Variants in TBCD observed in about 807,000 individuals in gnomAD.
TBCD encodes tubulin folding cofactor D.
In TBCD, 105 loss-of-function variants were observed where a neutral mutation model predicts 169.3. The ratio of observed to expected loss-of-function variants is 0.62; its 90% CI spans 0.53 to 0.73. The LOEUF is 0.73. Among genes scored for constraint, TBCD ranks in the 30% least tolerant of loss-of-function variants. The pLI is 0.00. For missense variants in TBCD, 1,444 were observed against 1,600.1 expected, an observed-to-expected ratio of 0.90 and a Z score of 1.66; for synonymous variants, 700 against 643.9, an observed-to-expected ratio of 1.09 and a Z score of -1.32.
rs1033166542 is a variant in TBCD at position 82,880,162 on chromosome 17, T to G, written c.1476-3983T>G. On this transcript the variant is annotated intron_variant, in intron 14 of 38. Coordinates refer to ENST00000355528, the MANE Select transcript of TBCD (RefSeq NM_005993.5). The surrounding 1 kb of genome is among the most constrained non-coding windows in gnomAD (Gnocchi z 5.0). ...GTCCTTCCTTCTTCCTTCCTGTATG[T>G]ATTTATCTCCTTACCTGTCTACTTA... Among the ~76,000 whole-genome samples, 8 of 152,162 alleles carry G rather than the reference T, an allele frequency of 5.3e-5. No homozygotes were observed. The highest frequency in any genetic ancestry group is 1.0e-4 in the Non-Finnish European group (7 of 68,030).
At chr17:82,921,110 T>G (rs1031537044) in intron 24 of TBCD, 1 of 260,004 alleles carries the variant, frequency 3.8e-6, no homozygotes, top group Non-Finnish European at 7.3e-6. Context: ...ACTTTTTTTT[T>G]GTTAATTGAA....
Position 82,930,513 on chromosome 17 carries a change from G to A in TBCD, c.2992-9G>A, listed in dbSNP as rs562742532. On this transcript the variant is annotated splice_polypyrimidine_tract_variant and intron_variant, in intron 32 of 38. Coordinates refer to ENST00000355528, the MANE Select transcript of TBCD (RefSeq NM_005993.5). The surrounding 1 kb of genome is among the most constrained non-coding windows in gnomAD (Gnocchi z 5.2). ...TCCCACTGCCTTCTGAGGTGTCTCC[G>A]TGTTGCAGATCCGGCACTCCACCCA... The A allele has an allele frequency of 2.2e-5, 36 of 1,612,174 alleles. 1 individual carries two copies. Among genetic ancestry groups the A allele is most frequent in the South Asian group, 8.8e-5 (8 of 90,708 alleles).
At position 82,785,650 on chromosome 17, in the gene TBCD, C is replaced by T. The variant is rs76270436; in HGVS notation, c.771+3929C>T. On this transcript the variant is annotated intron_variant, in intron 7 of 38. Transcript: ENST00000355528. Reference sequence around the variant, plus strand: ...CATCGCAGCGGGAGGGGGGTCCATGCTGTGTGACTGGGACCACTGGATCCC... The same window carrying T: ...CATCGCAGCGGGAGGGGGGTCCATGTTGTGTGACTGGGACCACTGGATCCC... Among the ~76,000 whole-genome samples, 3 of 78,794 alleles carry T rather than the reference C, an allele frequency of 3.8e-5. 1 individual carries two copies. The highest frequency in any genetic ancestry group is 5.5e-5 in the African/African-American group (1 of 18,276). 51.7% of individuals were successfully genotyped at this position (78,794 alleles called of 152,430 possible).
At position 82,901,306 on chromosome 17, in the gene TBCD, C is replaced by T. The variant is rs547485897; in HGVS notation, c.1730+575C>T. Reference sequence around the variant, plus strand: ...AGAGGGTCCCCTCCTAGGACAGTGCCGTGCTGTGGCACTCCTCACGGAGCC... The same window carrying T: ...AGAGGGTCCCCTCCTAGGACAGTGCTGTGCTGTGGCACTCCTCACGGAGCC... On this transcript the variant is annotated intron_variant, in intron 18 of 38. Coordinates refer to ENST00000355528, the MANE Select transcript of TBCD (RefSeq NM_005993.5). Among the ~76,000 whole-genome samples the T allele has an allele frequency of 1.2e-4, 19 of 152,352 alleles. No individual in the cohort carries two copies. The South Asian group carries it at 2.3e-3, about 18-fold the overall frequency.
chr17:82,852,293 C>T (rs114263482), intron 13 of TBCD, among the ~76,000 whole-genome samples: 1,570 of 152,128 alleles, frequency 0.01, 34 homozygotes, highest in African/African-American at 0.035. Context: ...GGTCCGTGGG[C>T]GATGCAGCCC....
chr17:82,755,308 A>G (rs1045896357), intron 1 of TBCD, among the ~76,000 whole-genome samples: 1 of 152,224 alleles, frequency 6.6e-6, no homozygotes, highest in Non-Finnish European at 1.5e-5. Flanking sequence ...TTTTCATCAG[A>G]CTAAAAAGGT....
At chr17:82,908,380 A>G in intron 21 of TBCD, 1 of 456,480 alleles carries the variant, frequency 2.2e-6, no homozygotes, top group Non-Finnish European at 4.4e-6. Flanking sequence ...CTCTGGGGAG[A>G]CAGTGTGTTC....
intron 22 of TBCD, among the ~76,000 whole-genome samples, chr17:82,910,685 C>T (rs1179509396): frequency 6.6e-6 from 1 of 152,200 alleles, no homozygotes; most frequent in East Asian, 1.9e-4. Context: ...CCTGTCTCAG[C>T]CTCCCGGGTA....
rs1041271173 is a variant in TBCD, at chr17:82,874,233, T to C, written c.1475+3853T>C. Among the ~76,000 whole-genome samples the C allele has an allele frequency of 2.0e-5, 3 of 151,962 alleles. No individual in the cohort carries two copies. Among genetic ancestry groups the C allele is most frequent in the East Asian group, 1.9e-4 (1 of 5,166 alleles). On this transcript the variant is annotated intron_variant, in intron 14 of 38. Transcript: ENST00000355528. The surrounding 1 kb of genome is among the most constrained non-coding windows in gnomAD (Gnocchi z 5.0). The stretch of plus-strand genomic sequence containing the variant: ...GCAAGGGGGTCCTGGGACTCCTGAG[T>C]TTCTCAGGCCTGAAGGACTGTAGGA...
chr17:82,889,555 T>C lies in TBCD; in HGVS notation c.1534-113T>C. 1 of 1,319,114 alleles carries C rather than the reference T, an allele frequency of 7.6e-7. No homozygotes were observed. The highest frequency in any genetic ancestry group is 1.1e-6 in the Non-Finnish European group (1 of 938,286). The allele number at this position is 1,319,114 out of a possible 1,614,324, so 81.7% of individuals were successfully genotyped here. A position where few individuals can be genotyped will look rare whatever the true frequency, so the allele number is the denominator to read the frequency against. On this transcript the variant is annotated intron_variant, in intron 15 of 38. Transcript: ENST00000355528. This position sits in a 1 kb window ranked among gnomAD's most constrained non-coding sequence, Gnocchi z 5.3. The stretch of plus-strand genomic sequence containing the variant: ...GTTCAGCCAACAATGAGGGCTTTTA[T>C]TTAAAAAATAAAGCCGTGGGTCATT...
chr17:82,929,674 G>A, intron 32 of TBCD, 174 bp downstream of exon 32: 2 of 886,964 alleles, frequency 2.3e-6, no homozygotes, highest in Non-Finnish European at 3.6e-6. Context: ...GACCCAGGAG[G>A]CTTAGGGCCT....
intron 13 of TBCD, among the ~76,000 whole-genome samples, chr17:82,841,737 G>A (rs1310666724): frequency 2.0e-5 from 3 of 152,198 alleles, no homozygotes; most frequent in African/African-American, 7.2e-5. Flanking sequence ...AGGAGTTTGT[G>A]GAGGGCCTGG....
Position 82,929,358 on chromosome 17 carries a change from G to T in TBCD, c.2853-4G>T. ...CCGGCCTTGTCTCACTCACTCTCTT[G>T]CAGGTCCGATGTGGCCTCCGTGAAC... is the stretch of plus-strand genomic sequence containing the variant. On this transcript the variant is annotated splice_polypyrimidine_tract_variant and splice_region_variant and intron_variant, in intron 31 of 38. Coordinates refer to ENST00000355528, the MANE Select transcript of TBCD (RefSeq NM_005993.5). 6.2e-7 allele frequency: 1 copy of T among 1,612,250 alleles called. No homozygotes were observed. Among genetic ancestry groups the T allele is most frequent in the Non-Finnish European group, 8.5e-7 (1 of 1,178,946 alleles).
chr17:82,937,622 C>A, intron 35 of TBCD: 1 of 598,954 alleles, frequency 1.7e-6, no homozygotes, highest in South Asian at 2.1e-5. Flanking sequence ...GGGGAGGCTC[C>A]GGAAAGGAGC....
In TBCD at chr17:82,923,583, G is replaced by T; in HGVS notation, c.2179-69G>T. The T allele has an allele frequency of 2.3e-6, 3 of 1,324,180 alleles. No homozygotes were observed. Among genetic ancestry groups the T allele is most frequent in the Non-Finnish European group, 3.2e-6 (3 of 946,984 alleles). The allele number at this position is 1,324,180 out of a possible 1,614,324, so 82.0% of individuals were successfully genotyped here. A position where few individuals can be genotyped will look rare whatever the true frequency, so the allele number is the denominator to read the frequency against. On this transcript the variant is annotated intron_variant, in intron 25 of 38. Transcript: ENST00000355528. The surrounding 1 kb of genome is among the most constrained non-coding windows in gnomAD (Gnocchi z 4.6). ...TGCTTCTCCGACTTCAGAGTGACCT[G>T]CTCTGTCCCTGGCCGGGGGCTTCTC... is the stretch of plus-strand genomic sequence containing the variant.
intron 20 of TBCD, among the ~76,000 whole-genome samples, chr17:82,906,313 G>C (rs1320421673): frequency 6.6e-6 from 1 of 152,180 alleles, no homozygotes. Flanking sequence ...ATCTCCCCAC[G>C]GCTGTCCTGC....
chr17:82,837,880 A>G (rs977285528), intron 13 of TBCD, among the ~76,000 whole-genome samples: 1 of 152,258 alleles, frequency 6.6e-6, no homozygotes, highest in African/African-American at 2.4e-5. Flanking sequence ...CAAGCAGCCA[A>G]TGTAGACAGT....
At position 82,923,724 on chromosome 17, in the gene TBCD, G is replaced by A. The variant is rs772167347; in HGVS notation, c.2251G>A (p.Ala751Thr). 19 of 1,597,710 alleles carry A rather than the reference G, an allele frequency of 1.2e-5. No homozygotes were observed. Among genetic ancestry groups the A allele is most frequent in the Admixed American group, 3.5e-5 (2 of 57,782 alleles). ...GAAGGAGCCGGGGGAGGCAGATCCC[G>A]CAATTCAGGGTGAGTGGGGAGCCCT... ...YMKEPGEADP[A>T]IQEELITQYL... Residue 751 changes from alanine (A) to threonine (T), a missense_variant, in exon 26 of 39, where the codon GCA becomes ACA. Ala to Thr is a moderately conservative substitution (Grantham distance 58). Coordinates refer to ENST00000355528, the MANE Select transcript of TBCD (RefSeq NM_005993.5). The surrounding 1 kb of genome is among the most constrained non-coding windows in gnomAD (Gnocchi z 4.6).
At chr17:82,940,986 A>G (rs1439771720) in intron 37 of TBCD, among the ~76,000 whole-genome samples, 1 of 152,068 alleles carries the variant, frequency 6.6e-6, no homozygotes, top group Non-Finnish European at 1.5e-5. Flanking sequence ...GAATTTAAAG[A>G]GAATATTTTA....
Sources: allele counts gnomAD v4.1 joint callset (sites outside exome capture counted in the v4.1 genomes callset), GRCh38; gene constraint gnomAD v4.1.1; non-coding constraint Gnocchi (gnomAD v3.1); transcripts MANE v1.5; gene names NCBI Gene and HGNC (gene_info 2026-07-23, HGNC 2026-07-21).